Variants in POMC observed in about 807,000 individuals in gnomAD.
POMC encodes proopiomelanocortin.
Under a neutral mutation model 18.5 loss-of-function variants are expected in POMC, and 19 were observed. That is an observed-to-expected ratio of 1.03 (90% CI 0.72 to 1.51). The LOEUF is 1.51. POMC is among the 40% of genes most tolerant of loss of function. POMC has a pLI of 0.00. For missense variants in POMC, 451 were observed against 379.0 expected (o/e 1.19, Z -1.58); for synonymous variants, 179 against 161.9 (o/e 1.11, Z -0.80).
Position 25,161,587 on chromosome 2 carries a change from C to CGCCGCTGCTGCCGCTGCT in POMC, c.280_297dup (p.Ser94_Gly99dup), listed in dbSNP as rs10654394. ...GAGACGTCCTCGCGCTTCTGCCCTGCGCCGCTGCTGCCGCTGCTGCTGCTG... is the reference window on the plus strand; with the variant it reads ...GAGACGTCCTCGCGCTTCTGCCCTGCGCCGCTGCTGCCGCTGCTGCCGCTGCTGCCGCTGCTGCTGCTG... On this transcript the variant is annotated inframe_insertion, in exon 3 of 3. Coordinates refer to ENST00000395826, the MANE Select transcript of POMC (RefSeq NM_000939.4). This position sits in a 1 kb window ranked among gnomAD's most constrained non-coding sequence, Gnocchi z 5.7. The CGCCGCTGCTGCCGCTGCT allele has an allele frequency of 4.1e-4, 639 of 1,557,926 alleles. 1 individual carries two copies. The highest frequency in any genetic ancestry group is 3.3e-3 in the Middle Eastern group (20 of 5,976).
At position 25,161,881 on chromosome 2, in the gene POMC, C is replaced by T. The variant is rs1368775961; in HGVS notation, c.133-129G>A. 1.7e-5 allele frequency: 24 copies of T among 1,411,388 alleles called. No homozygotes were observed. The highest frequency in any genetic ancestry group is 2.0e-5 in the Non-Finnish European group (22 of 1,081,684). 87.4% of individuals were successfully genotyped at this position (1,411,388 alleles called of 1,614,324 possible). On this transcript the variant is annotated intron_variant, in intron 2 of 2. Coordinates refer to ENST00000395826, the MANE Select transcript of POMC (RefSeq NM_000939.4). The surrounding 1 kb of genome is among the most constrained non-coding windows in gnomAD (Gnocchi z 5.7). Reference sequence around the variant, plus strand: ...CGAGGACACAGGGCACAGTGTCGGGCGTGTCAAGCGTCGAGGCCTCCCTAC... The same window carrying T: ...CGAGGACACAGGGCACAGTGTCGGGTGTGTCAAGCGTCGAGGCCTCCCTAC...
intron 1 of POMC, 35 bp from the exon 2 acceptor site, chr2:25,164,827 A>G: frequency 6.2e-7 from 1 of 1,610,768 alleles, no homozygotes; most frequent in Non-Finnish European, 8.5e-7. Context: ...GGACCCCTGC[A>G]AGGAGCAAAA....
Position 25,161,001 on chromosome 2 carries a change from GC to G in POMC, c.*79del. Reference sequence around the variant, plus strand: ...CTGCCACGACCCCCCAGGCTGGGAGGCGGCAGCAGGGCAGGGGAGAGCAAGG... The same window carrying G: ...CTGCCACGACCCCCCAGGCTGGGAGGGGCAGCAGGGCAGGGGAGAGCAAGG... On this transcript the variant is annotated 3_prime_UTR_variant, in exon 3 of 3. Coordinates refer to ENST00000395826, the MANE Select transcript of POMC (RefSeq NM_000939.4). The surrounding 1 kb of genome is among the most constrained non-coding windows in gnomAD (Gnocchi z 5.7). The G allele has an allele frequency of 6.3e-7, 1 of 1,585,216 alleles. No homozygotes were observed. Among genetic ancestry groups the G allele is most frequent in the Non-Finnish European group, 8.6e-7 (1 of 1,166,498 alleles).
intron 1 of POMC, among the ~76,000 whole-genome samples, chr2:25,166,053 T>C (rs1186395960): frequency 6.6e-6 from 1 of 152,224 alleles, no homozygotes; most frequent in East Asian, 1.9e-4. Flanking sequence ...GCCAAATCTT[T>C]TTTATATAGG....
chr2:25,165,012 C>G (rs1208101879), intron 1 of POMC, among the ~76,000 whole-genome samples: 1 of 152,094 alleles, frequency 6.6e-6, no homozygotes, highest in Non-Finnish European at 1.5e-5. Context: ...GACCATTTCC[C>G]TGTTATCTTC....
chr2:25,161,012 G>A lies in POMC; in HGVS notation c.*69C>T, dbSNP rs1016192761. 2 of 1,606,496 alleles carry A rather than the reference G, an allele frequency of 1.2e-6. No individual in the cohort carries two copies. Among genetic ancestry groups the A allele is most frequent in the African/African-American group, 1.3e-5 (1 of 74,822 alleles). ...CCCCAGGCTGGGAGGCGGCAGCAGG[G>A]CAGGGGAGAGCAAGGGGCTTTGGGG... On this transcript the variant is annotated 3_prime_UTR_variant, in exon 3 of 3. Transcript: ENST00000395826. This position sits in a 1 kb window ranked among gnomAD's most constrained non-coding sequence, Gnocchi z 5.7.
At chr2:25,165,478 G>A (rs530638070) in intron 1 of POMC, among the ~76,000 whole-genome samples, 9 of 152,218 alleles carry the variant, frequency 5.9e-5, no homozygotes, top group African/African-American at 1.2e-4. Context: ...GGAGAGCTTC[G>A]TTTTTAAAGC....
At position 25,161,127 on chromosome 2, in the gene POMC, A is replaced by T. The variant is rs746382510; in HGVS notation, c.758T>A (p.Leu253Gln). 2.5e-5 allele frequency: 40 copies of T among 1,610,660 alleles called. 1 individual carries two copies. The South Asian group carries it at 4.4e-4, about 18-fold the overall frequency. Residue 253 changes from leucine to glutamine, a missense_variant, in exon 3 of 3, where the codon CTG becomes CAG. Physicochemically the swap from Leu to Gln is moderately radical, Grantham distance 113 (BLOSUM62 -2). Transcript: ENST00000395826. This position sits in a 1 kb window ranked among gnomAD's most constrained non-coding sequence, Gnocchi z 5.7. ...GTTCTTGATGATGGCGTTTTTGAAC[A>T]GCGTCACCAGGGGCGTCTGGCTCTT... ...SEKSQTPLVT[L>Q]FKNAIIKNAY...
Position 25,164,844 on chromosome 2 carries a change from TG to T in POMC, c.-20-53del, listed in dbSNP as rs1217286297. 3 of 1,600,792 alleles carry T rather than the reference TG, an allele frequency of 1.9e-6. No homozygotes were observed. The East Asian group carries it at 6.7e-5, about 36-fold the overall frequency. On this transcript the variant is annotated intron_variant, in intron 1 of 2. Transcript: ENST00000395826. ...ACCCCTGCAAGGAGCAAAACAATGT[TG>T]GCCACTCACCAGGAAGGACCTTGAG...
In POMC at chr2:25,160,986, C is replaced by T. The variant is rs1233964940; in HGVS notation, c.*95G>A. 4 of 1,569,972 alleles carry T rather than the reference C, an allele frequency of 2.5e-6. No homozygotes were observed. The African/African-American group carries it at 4.1e-5, about 16-fold the overall frequency. On this transcript the variant is annotated 3_prime_UTR_variant, in exon 3 of 3. Coordinates refer to ENST00000395826, the MANE Select transcript of POMC (RefSeq NM_000939.4). The stretch of plus-strand genomic sequence containing the variant: ...TAAGAGGCTGATTATCTGCCACGAC[C>T]CCCCAGGCTGGGAGGCGGCAGCAGG...
Position 25,164,692 on chromosome 2 carries a change from C to G in POMC, c.81G>C (p.Trp27Cys). 1 of 1,614,186 alleles carries G rather than the reference C, an allele frequency of 6.2e-7. No individual in the cohort carries two copies. The stretch of plus-strand genomic sequence containing the variant: ...CCTGACACTGGCTGCTCTCCAGGCA[C>G]CAGCCACGCACTTCCATGGAGGCCT... The part of the protein sequence containing the change: ...LLQASMEVRG[W>C]CLESSQCQDL... The change falls in exon 2 of 3, where the codon TGG (tryptophan) becomes TGC (cysteine). Residue 27 changes from tryptophan to cysteine, a missense_variant. Trp to Cys is a radical substitution (Grantham distance 215). Coordinates refer to ENST00000395826, the MANE Select transcript of POMC (RefSeq NM_000939.4).
At position 25,163,729 on chromosome 2, in the gene POMC, T is replaced by C. The variant is rs59848192; in HGVS notation, c.132+912A>G. ...ATAGCTTACTGTGTCGTCAGACTCC[T>C]GGCCTCAAGTGAACCTCCCAAGTAG... On this transcript the variant is annotated intron_variant, in intron 2 of 2. Transcript: ENST00000395826. Among the ~76,000 whole-genome samples the C allele has an allele frequency of 6.1e-3, 924 of 152,344 alleles. 9 individuals carry two copies. Among genetic ancestry groups the C allele is most frequent in the African/African-American group, 0.021 (869 of 41,586 alleles).
intron 1 of POMC, chr2:25,165,503 T>C (rs1042650352): frequency 3.9e-5 from 6 of 152,298 alleles, no homozygotes; most frequent in Non-Finnish European, 7.3e-5. Flanking sequence ...CTCAGTTCTT[T>C]GAAATCTGGC....
chr2:25,167,822 G>A (rs1278388172), intron 1 of POMC, among the ~76,000 whole-genome samples: 1 of 152,174 alleles, frequency 6.6e-6, no homozygotes, highest in Non-Finnish European at 1.5e-5. Context: ...CTTTCAAGAT[G>A]TGACACCTAT....
At chr2:25,163,760 A>G (rs1026585226) in intron 2 of POMC, among the ~76,000 whole-genome samples, 30 of 152,162 alleles carry the variant, frequency 2.0e-4, no homozygotes, top group Non-Finnish European at 4.4e-5. Context: ...AGTAGCTAGG[A>G]CTACAGGCAC....
At position 25,161,697 on chromosome 2, in the gene POMC, C is replaced by G. The variant is rs1158622983; in HGVS notation, c.188G>C (p.Gly63Ala). ...DLSAETPMFPGNGDEQPLTEN... is the reference protein window; with the variant it reads ...DLSAETPMFPANGDEQPLTEN... ...GGTCAGAGGCTGCTCGTCGCCATTT[C>G]CCGGGAACATGGGAGTCTCGGCCGA... The change falls in exon 3 of 3, where the codon GGA (glycine) becomes GCA (alanine). Residue 63 changes from glycine to alanine, a missense_variant. Gly to Ala is a moderately conservative substitution (Grantham distance 60). Transcript: ENST00000395826. The surrounding 1 kb of genome is among the most constrained non-coding windows in gnomAD (Gnocchi z 5.7). The G allele has an allele frequency of 1.9e-6, 3 of 1,586,076 alleles. No individual in the cohort carries two copies. Among genetic ancestry groups the G allele is most frequent in the African/African-American group, 1.3e-5 (1 of 74,154 alleles).
chr2:25,161,502 G>A lies in POMC; in HGVS notation c.383C>T (p.Ala128Val), dbSNP rs997337232. ...EGGPEPRSDG[A>V]KPGPREGKRS... ...CTTGCCCTCGCGCGGGCCCGGCTTG[G>A]CACCATCGCTGCGGGGCTCGGGGCC... The change falls in exon 3 of 3, where the codon GCC becomes GTC. Residue 128 changes from alanine to valine, a missense_variant. By Grantham distance (64) the Ala-to-Val change is moderately conservative. Coordinates refer to ENST00000395826, the MANE Select transcript of POMC (RefSeq NM_000939.4). This position sits in a 1 kb window ranked among gnomAD's most constrained non-coding sequence, Gnocchi z 5.7. 20 of 1,601,852 alleles carry A rather than the reference G, an allele frequency of 1.2e-5. No homozygotes were observed. The highest frequency in any genetic ancestry group is 2.7e-5 in the African/African-American group (2 of 74,620).
intron 1 of POMC, among the ~76,000 whole-genome samples, chr2:25,166,159 G>T (rs752178229): frequency 1.3e-5 from 2 of 152,196 alleles, no homozygotes; most frequent in South Asian, 2.1e-4. Flanking sequence ...TTCCCCAGGC[G>T]CTGGGCCTGC....
chr2:25,162,545 G>C (rs1055304467), intron 2 of POMC, among the ~76,000 whole-genome samples: 9 of 151,964 alleles, frequency 5.9e-5, no homozygotes, highest in Admixed American at 3.9e-4. Flanking sequence ...TGAAATTTGG[G>C]GGATAATCTC....
Sources: gnomAD v4.1 joint callset for allele counts (sites outside exome capture counted in the v4.1 genomes callset) on GRCh38, gnomAD v4.1.1 for gene constraint, Gnocchi (gnomAD v3.1) non-coding constraint, MANE v1.5 for transcripts, NCBI Gene and HGNC (gene_info 2026-07-23, HGNC 2026-07-21) for gene names.